The following CDH9 variants were observed in gnomAD, a reference collection of about 807,000 sequenced individuals.
CDH9 encodes the protein cadherin-9.
In CDH9, 28 loss-of-function variants were observed where a neutral mutation model predicts 70.9. The ratio of observed to expected loss-of-function variants is 0.40; its 90% CI spans 0.29 to 0.54. CDH9 has a LOEUF of 0.54. Among genes scored for constraint, CDH9 ranks in the 20% least tolerant of loss-of-function variants. CDH9 has a pLI of 0.59. For synonymous variants in CDH9, 409 were observed against 343.1 expected, an observed-to-expected ratio of 1.19 and a Z score of -2.12; for missense variants, 874 against 984.4, an observed-to-expected ratio of 0.89 and a Z score of 1.50.
At chr5:26,942,961 T>C (rs1741688351) in intron 2 of CDH9, among the ~76,000 whole-genome samples, 2 of 152,126 alleles carry the variant, frequency 1.3e-5, no homozygotes, top group Admixed American at 1.3e-4. Context: ...CCAGTGAAAA[T>C]TGTGGACAGT....
chr5:27,015,298 A>G (rs1743028202), intron 1 of CDH9, among the ~76,000 whole-genome samples: 1 of 151,726 alleles, frequency 6.6e-6, no homozygotes, highest in Non-Finnish European at 1.5e-5. Context: ...CTCACTATTG[A>G]TATTTATTAA....
At chr5:26,948,775 A>G (rs1741796356) in intron 2 of CDH9, among the ~76,000 whole-genome samples, 1 of 152,206 alleles carries the variant, frequency 6.6e-6, no homozygotes, top group Non-Finnish European at 1.5e-5. Flanking sequence ...AACACTTGCT[A>G]TTGACAATGG....
intron 2 of CDH9, among the ~76,000 whole-genome samples, chr5:26,939,701 A>G (rs1741624945): frequency 6.6e-6 from 1 of 152,156 alleles, no homozygotes. Context: ...AAAATATAAA[A>G]AACACATACT....
At chr5:27,033,064 T>C (rs1193468905) in intron 1 of CDH9, among the ~76,000 whole-genome samples, 1 of 151,202 alleles carries the variant, frequency 6.6e-6, no homozygotes, top group Non-Finnish European at 1.5e-5. Context: ...AAAGAATAAT[T>C]ATTTCTAGAT....
intron 2 of CDH9, among the ~76,000 whole-genome samples, chr5:26,975,013 T>C (rs1432869287): frequency 6.6e-6 from 1 of 152,134 alleles, no homozygotes; most frequent in Non-Finnish European, 1.5e-5. Flanking sequence ...CCATATCTGT[T>C]ATATACATAT....
chr5:26,953,328 T>G (rs575287761), intron 2 of CDH9, among the ~76,000 whole-genome samples: 1 of 152,320 alleles, frequency 6.6e-6, no homozygotes, highest in African/African-American at 2.4e-5. Context: ...AAAAACAAAC[T>G]AAAACTTAGG....
chr5:27,012,644 T>A (rs947436194), intron 1 of CDH9, among the ~76,000 whole-genome samples: 3 of 151,992 alleles, frequency 2.0e-5, no homozygotes, highest in Non-Finnish European at 4.4e-5. Flanking sequence ...ACAAGCCAAA[T>A]AAAATCTACA....
chr5:26,981,963 T>C (rs1466754551), intron 2 of CDH9, among the ~76,000 whole-genome samples: 1 of 152,074 alleles, frequency 6.6e-6, no homozygotes, highest in African/African-American at 2.4e-5. Context: ...ATCATCATCA[T>C]TTACAGCCTT....
chr5:27,015,708 A>G (rs1427050383), intron 1 of CDH9, among the ~76,000 whole-genome samples: 2 of 151,754 alleles, frequency 1.3e-5, no homozygotes, highest in African/African-American at 2.4e-5. Context: ...CTGCTGCATA[A>G]TATTATAACC....
At chr5:27,003,697 C>A (rs541982273) in intron 1 of CDH9, among the ~76,000 whole-genome samples, 2 of 151,986 alleles carry the variant, frequency 1.3e-5, no homozygotes, top group African/African-American at 4.8e-5. Context: ...CTGCCAAAGT[C>A]ATCAAAAATA....
At chr5:26,903,054 T>C (rs138455466) in intron 6 of CDH9, 2,665 of 210,378 alleles carry the variant, frequency 0.013, 25 homozygotes, top group Non-Finnish European at 0.017. Context: ...GTTATGCAGT[T>C]ATAATCAGAA....
chr5:26,924,656 G>C (rs550044356), intron 2 of CDH9, among the ~76,000 whole-genome samples: 1 of 151,716 alleles, frequency 6.6e-6, no homozygotes, highest in South Asian at 2.1e-4. Context: ...CCATTAACTC[G>C]TGATTTACAT....
At chr5:26,905,693 A>G (rs1465367445) in intron 5 of CDH9, among the ~76,000 whole-genome samples, 1 of 152,164 alleles carries the variant, frequency 6.6e-6, no homozygotes, top group African/African-American at 2.4e-5. Flanking sequence ...TAATCCTTCA[A>G]AGTTAGAGAA....
chr5:26,956,231 G>C (rs906122711), intron 2 of CDH9, among the ~76,000 whole-genome samples: 2 of 152,212 alleles, frequency 1.3e-5, no homozygotes, highest in Non-Finnish European at 2.9e-5. Context: ...TAAGTCTCAC[G>C]AGATCTGAAT....
rs1342621458 is a variant in CDH9, at chr5:26,935,780, T to C, written c.229-19856A>G. ...TATCTAACCAATGAAAAAGAAGTCA[T>C]TATATGAAATAGACACATGCACATG... On this transcript the variant is annotated intron_variant, in intron 2 of 11. Transcript: ENST00000231021. 1.3e-5 allele frequency among the ~76,000 whole-genome samples: 2 copies of C among 152,136 alleles called. 1 individual carries two copies. Among genetic ancestry groups the C allele is most frequent in the Admixed American group, 1.3e-4 (2 of 15,266 alleles).
intron 1 of CDH9, among the ~76,000 whole-genome samples, chr5:27,005,263 T>C (rs1435726191): frequency 1.4e-4 from 22 of 151,972 alleles, no homozygotes. Flanking sequence ...TCTTAAGAAA[T>C]TAGTCATATG....
intron 1 of CDH9, among the ~76,000 whole-genome samples, chr5:27,026,362 C>T (rs1475154625): frequency 6.6e-6 from 1 of 151,656 alleles, no homozygotes; most frequent in African/African-American, 2.4e-5. Context: ...GCTGTTTCAC[C>T]TGTCATTTTT....
At chr5:26,914,958 T>A (rs915378967) in intron 3 of CDH9, among the ~76,000 whole-genome samples, 1 of 151,976 alleles carries the variant, frequency 6.6e-6, no homozygotes, top group Non-Finnish European at 1.5e-5. Flanking sequence ...CATACACATA[T>A]AAAACTCCGC....
chr5:26,923,384 C>A (rs538291145), intron 2 of CDH9, among the ~76,000 whole-genome samples: 1 of 151,790 alleles, frequency 6.6e-6, no homozygotes, highest in African/African-American at 2.4e-5. Context: ...GTAAATTGAG[C>A]AACCTATATA....
Sources: gnomAD v4.1 joint callset for allele counts (sites outside exome capture counted in the v4.1 genomes callset) on GRCh38, gnomAD v4.1.1 for gene constraint, MANE v1.5 for transcripts, NCBI Gene and HGNC (gene_info 2026-07-23, HGNC 2026-07-21) for gene names.